The following MTSS1 variants were observed in gnomAD, a reference collection of about 807,000 sequenced individuals.
MTSS1 encodes the protein protein MTSS 1.
In MTSS1, 18 loss-of-function variants were observed where a neutral mutation model predicts 79.0. The ratio of observed to expected loss-of-function variants is 0.23; its 90% CI spans 0.16 to 0.34. MTSS1 has a LOEUF of 0.34. Among genes scored for constraint, MTSS1 ranks in the 10% least tolerant of loss-of-function variants. The pLI, the probability that MTSS1 is intolerant of heterozygous loss-of-function variation, is 1.00. For missense variants in MTSS1, 815 were observed against 986.2 expected (o/e 0.83, Z 2.33); for synonymous variants, 341 against 368.6 (o/e 0.93, Z 0.86).
At chr8:124,628,295 G>C (rs116600294) in intron 3 of MTSS1, among the ~76,000 whole-genome samples, 2,982 of 152,274 alleles carry the variant, frequency 0.02, 106 homozygotes, top group African/African-American at 0.067. Flanking sequence ...TGAGCTCCAA[G>C]ACATCAGCCG....
In MTSS1 at chr8:124,552,959, A is replaced by G. The variant is rs1267619690; in HGVS notation, c.*33T>C. The G allele has an allele frequency of 6.3e-7, 1 of 1,583,550 alleles. No individual in the cohort carries two copies. Among genetic ancestry groups the G allele is most frequent in the Admixed American group, 1.7e-5 (1 of 58,184 alleles). On this transcript the variant is annotated 3_prime_UTR_variant, in exon 14 of 14. Transcript: ENST00000518547. ...ACAAATTAGGTTTTATTAATGAAAC[A>G]GTTCATTCCCCACCGGCGCATTTCT...
chr8:124,704,099 C>A, intron 2 of MTSS1, 31 bp downstream of exon 2: 1 of 1,607,746 alleles, frequency 6.2e-7, no homozygotes, highest in Non-Finnish European at 8.5e-7. Flanking sequence ...GGATGTTGTC[C>A]TTTTCCTGTA....
intron 3 of MTSS1, among the ~76,000 whole-genome samples, chr8:124,679,529 T>C (rs538243251): frequency 6.6e-6 from 1 of 152,364 alleles, no homozygotes; most frequent in Non-Finnish European, 1.5e-5. Context: ...TCTTCCATTC[T>C]GGACAGTTGG....
intron 3 of MTSS1, among the ~76,000 whole-genome samples, chr8:124,631,925 C>A (rs1056921326): frequency 6.6e-6 from 1 of 152,178 alleles, no homozygotes; most frequent in Non-Finnish European, 1.5e-5. Context: ...GGGCCTGCTG[C>A]TGATGATGGT....
intron 3 of MTSS1, among the ~76,000 whole-genome samples, chr8:124,633,431 C>T (rs973613973): frequency 1.3e-5 from 2 of 152,184 alleles, no homozygotes; most frequent in African/African-American, 4.8e-5. Context: ...TTAGCTCTGA[C>T]TCTTATTCCT....
chr8:124,601,530 T>A lies in MTSS1; in HGVS notation c.209-10295A>T, dbSNP rs375224373. On this transcript the variant is annotated intron_variant, in intron 3 of 13. Transcript: ENST00000518547. ...TGCTGCAATGGCTCATGGCAGGTTG[T>A]AATATTTTAGTTTCACTATATGAGA... 8.5e-5 allele frequency among the ~76,000 whole-genome samples: 13 copies of A among 152,320 alleles called. No homozygotes were observed. The East Asian group carries it at 1.7e-3, about 20-fold the overall frequency.
intron 3 of MTSS1, 197 bp downstream of exon 3, chr8:124,699,327 TTC>T: frequency 1.8e-6 from 1 of 567,934 alleles, no homozygotes; most frequent in Non-Finnish European, 3.1e-6. Context: ...TTTTTCATTC[TTC>T]TTCACATGTG....
intron 3 of MTSS1, among the ~76,000 whole-genome samples, chr8:124,660,432 GCACACACACACACACACA>G (rs5894719): frequency 7.1e-6 from 1 of 140,706 alleles, no homozygotes. Context: ...CCATGCGCAT[GCACACACACACACACACA>G]CACACACACA....
chr8:124,588,996 T>C (rs1831358249), intron 5 of MTSS1, among the ~76,000 whole-genome samples: 1 of 152,020 alleles, frequency 6.6e-6, no homozygotes, highest in Non-Finnish European at 1.5e-5. Flanking sequence ...ATTACAGGTG[T>C]GAGCCACTGC....
intron 1 of MTSS1, among the ~76,000 whole-genome samples, chr8:124,717,171 G>A (rs187836472): frequency 9.2e-4 from 140 of 152,058 alleles, no homozygotes; most frequent in African/African-American, 2.7e-3. Context: ...CCTCCTCTGC[G>A]AGGCCCGCCC....
chr8:124,648,716 C>T (rs191897602), intron 3 of MTSS1, among the ~76,000 whole-genome samples: 7 of 151,728 alleles, frequency 4.6e-5, no homozygotes, highest in Non-Finnish European at 7.4e-5. Flanking sequence ...GCAGCCCCCC[C>T]CCAGATACTG....
chr8:124,690,152 C>T (rs930342730), intron 3 of MTSS1, among the ~76,000 whole-genome samples: 2 of 152,234 alleles, frequency 1.3e-5, no homozygotes, highest in Admixed American at 6.5e-5. Flanking sequence ...CTCCCCACTG[C>T]TGCTGCTCCC....
intron 2 of MTSS1, among the ~76,000 whole-genome samples, chr8:124,703,724 T>C (rs567715252): frequency 2.0e-4 from 30 of 152,366 alleles, no homozygotes; most frequent in Admixed American, 7.8e-4. Context: ...GGATAAGTTA[T>C]TTAACTTCGC....
At chr8:124,602,370 T>C (rs1025895853) in intron 3 of MTSS1, among the ~76,000 whole-genome samples, 5 of 151,582 alleles carry the variant, frequency 3.3e-5, no homozygotes, top group Non-Finnish European at 5.9e-5. Flanking sequence ...TGGCTAAGTT[T>C]TGTATTTTTA....
At chr8:124,676,130 C>T (rs1474057141) in intron 3 of MTSS1, among the ~76,000 whole-genome samples, 5 of 152,064 alleles carry the variant, frequency 3.3e-5, no homozygotes, top group South Asian at 2.1e-4. Context: ...AAGGCTAAGT[C>T]GGGCACATGA....
At chr8:124,575,691 T>C (rs574552823) in intron 6 of MTSS1, among the ~76,000 whole-genome samples, 2 of 152,206 alleles carry the variant, frequency 1.3e-5, no homozygotes, top group Non-Finnish European at 2.9e-5. Context: ...AGGAGTTTTA[T>C]CATCAAGATT....
At position 124,552,972 on chromosome 8, in the gene MTSS1, C is replaced by T. The variant is rs754398483; in HGVS notation, c.*20G>A. 2.8e-5 allele frequency: 45 copies of T among 1,603,836 alleles called. No homozygotes were observed. The South Asian group carries it at 4.6e-4, about 16-fold the overall frequency. ...TATTAATGAAACAGTTCATTCCCCA[C>T]CGGCGCATTTCTTGTGAACCTAAGA... On this transcript the variant is annotated 3_prime_UTR_variant, in exon 14 of 14. Coordinates refer to ENST00000518547, the MANE Select transcript of MTSS1 (RefSeq NM_014751.6).
intron 3 of MTSS1, among the ~76,000 whole-genome samples, chr8:124,662,412 A>G (rs1465933616): frequency 6.6e-6 from 1 of 152,142 alleles, no homozygotes; most frequent in African/African-American, 2.4e-5. Flanking sequence ...AAAATACTGT[A>G]TGCCATACAC....
chr8:124,568,968 A>C (rs1422673586), intron 6 of MTSS1: 31 of 657,750 alleles, frequency 4.7e-5, no homozygotes, highest in Non-Finnish European at 6.6e-5. Flanking sequence ...TTGTTGGGTC[A>C]ATCTCAATCA....
Sources: allele counts gnomAD v4.1 joint callset (sites outside exome capture counted in the v4.1 genomes callset), GRCh38; gene constraint gnomAD v4.1.1; transcripts MANE v1.5; gene names NCBI Gene and HGNC (gene_info 2026-07-23, HGNC 2026-07-21).